CENPC: variants seen among roughly 807,000 people sequenced by gnomAD.
The protein encoded by CENPC is centromere protein C, also known as CENP-C 1.
A neutral mutation model predicts 112.1 loss-of-function variants in CENPC; 63 were observed. The observed-to-expected ratio is 0.56, with a 90% CI of 0.46 to 0.69. CENPC has a LOEUF of 0.69. Ranked by LOEUF, CENPC falls within the 30% of genes least tolerant of loss-of-function variation. The probability of loss-of-function intolerance (pLI) is 0.00; values close to 1 mark genes in which losing one functional copy is unlikely to be tolerated. For synonymous variants in CENPC, 333 were observed against 367.6 expected, an observed-to-expected ratio of 0.91 and a Z score of 1.08; for missense variants, 1,000 against 1,103.8, an observed-to-expected ratio of 0.91 and a Z score of 1.33.
At chr4:67,543,333 T>G (rs1250398709) in intron 2 of CENPC, among the ~76,000 whole-genome samples, 1 of 152,192 alleles carries the variant, frequency 6.6e-6, no homozygotes, top group Non-Finnish European at 1.5e-5. Context: ...TGGAATATAC[T>G]TTATCTTAGT....
chr4:67,502,043 G>C (rs1725604371), intron 12 of CENPC, among the ~76,000 whole-genome samples: 2 of 152,056 alleles, frequency 1.3e-5, no homozygotes, highest in African/African-American at 4.8e-5. Context: ...ACAAAGGAAA[G>C]AAGAAATAAG....
rs772537688 is a variant in CENPC at position 67,468,934 on chromosome 4, TACA to T, written c.*3668_*3670del. 7 of 152,198 alleles carry T rather than the reference TACA, an allele frequency of 4.6e-5. No homozygotes were observed. Among genetic ancestry groups the T allele is most frequent in the Non-Finnish European group, 8.8e-5 (6 of 68,024 alleles). 9.4% of individuals were successfully genotyped at this position (152,198 alleles called of 1,614,324 possible). A position where few individuals can be genotyped will look rare whatever the true frequency, so the allele number is the denominator to read the frequency against. On this transcript the variant is annotated 3_prime_UTR_variant, in exon 19 of 19. Coordinates refer to ENST00000273853, the MANE Select transcript of CENPC (RefSeq NM_001812.4). Reference sequence around the variant, plus strand: ...GTCATACACTATATTATTCCATTGCTACAACAATATATAAGTGACAATATTACA... The same window carrying T: ...GTCATACACTATATTATTCCATTGCTACAATATATAAGTGACAATATTACA...
intron 16 of CENPC, among the ~76,000 whole-genome samples, chr4:67,490,630 C>T (rs1250860890): frequency 3.3e-5 from 5 of 151,452 alleles, no homozygotes; most frequent in Non-Finnish European, 7.4e-5. Context: ...TCCTGCTTGA[C>T]TAATAATTTT....
chr4:67,481,691 G>A (rs1001306082), intron 17 of CENPC, among the ~76,000 whole-genome samples: 2 of 152,170 alleles, frequency 1.3e-5, no homozygotes, highest in Non-Finnish European at 2.9e-5. Flanking sequence ...GGGATAACCA[G>A]TAAGGCACAA....
intron 12 of CENPC, 136 bp from the exon 13 acceptor site, chr4:67,495,348 GC>G: frequency 1.3e-6 from 1 of 771,596 alleles, no homozygotes; most frequent in Non-Finnish European, 2.0e-6. Context: ...TACTCCTTTT[GC>G]TTTTCATTGC....
intron 2 of CENPC, among the ~76,000 whole-genome samples, chr4:67,541,432 T>C (rs866435183): frequency 5.9e-5 from 9 of 152,172 alleles, no homozygotes; most frequent in Non-Finnish European, 8.8e-5. Context: ...CTATAAATTC[T>C]CAAATGCATT....
intron 5 of CENPC, 89 bp from the exon 6 acceptor site, chr4:67,519,591 T>C (rs1378927490): frequency 7.9e-6 from 7 of 885,138 alleles, no homozygotes; most frequent in Non-Finnish European, 1.1e-5. Context: ...AATAATTTAA[T>C]CAGAAATAGT....
chr4:67,521,324 C>T (rs910998547), intron 5 of CENPC, among the ~76,000 whole-genome samples: 16 of 150,996 alleles, frequency 1.1e-4, no homozygotes, highest in African/African-American at 3.6e-4. Flanking sequence ...TAATCAATTA[C>T]AAATCCTCTT....
chr4:67,501,072 C>T (rs1308613760), intron 12 of CENPC, among the ~76,000 whole-genome samples: 1 of 152,140 alleles, frequency 6.6e-6, no homozygotes, highest in Non-Finnish European at 1.5e-5. Flanking sequence ...CTTTGGGAGA[C>T]TGAGGTGTGC....
chr4:67,523,551 A>G (rs1399777903), intron 5 of CENPC, among the ~76,000 whole-genome samples: 1 of 152,184 alleles, frequency 6.6e-6, no homozygotes, highest in Non-Finnish European at 1.5e-5. Context: ...AGAATAATCC[A>G]CGTGGTAATG....
rs754472986 is a variant in CENPC, at chr4:67,518,137, C to T, written c.830+19G>A. 2 of 1,331,468 alleles carry T rather than the reference C, an allele frequency of 1.5e-6. No homozygotes were observed. Among genetic ancestry groups the T allele is most frequent in the Non-Finnish European group, 2.1e-6 (2 of 969,914 alleles). The allele number at this position is 1,331,468 out of a possible 1,614,324, so 82.5% of individuals were successfully genotyped here. A position where few individuals can be genotyped will look rare whatever the true frequency, so the allele number is the denominator to read the frequency against. On this transcript the variant is annotated intron_variant, in intron 7 of 18. Transcript: ENST00000273853. Reference sequence around the variant, plus strand: ...TATAAAAGAAAAATGTCTCAAAGGGCAGTTTCTTAATAACTCACCTGGATT... The same window carrying T: ...TATAAAAGAAAAATGTCTCAAAGGGTAGTTTCTTAATAACTCACCTGGATT...
intron 17 of CENPC, among the ~76,000 whole-genome samples, chr4:67,484,467 G>A (rs951348644): frequency 1.3e-5 from 2 of 152,150 alleles, no homozygotes; most frequent in Admixed American, 6.5e-5. Flanking sequence ...TAAGCAGCAC[G>A]CCAGTGAGTG....
At position 67,491,445 on chromosome 4, in the gene CENPC, TCATATA is replaced by T. The variant is rs1303473058; in HGVS notation, c.2515+729_2515+734del. Among the ~76,000 whole-genome samples, 417 of 64,060 alleles carry T rather than the reference TCATATA, an allele frequency of 6.5e-3. 6 individuals carry two copies. The highest frequency in any genetic ancestry group is 0.022 in the South Asian group (35 of 1,608). The allele number at this position is 64,060 out of a possible 152,430, so 42.0% of individuals were successfully genotyped here. On this transcript the variant is annotated intron_variant, in intron 16 of 18. Transcript: ENST00000273853. ...ACAGTTGTTAATATATTTAAATATTTCATATATATATATATATATATATATATATAT... is the reference window on the plus strand; with the variant it reads ...ACAGTTGTTAATATATTTAAATATTTTATATATATATATATATATATATAT...
intron 14 of CENPC, chr4:67,493,607 C>T: frequency 3.6e-6 from 1 of 277,778 alleles, no homozygotes; most frequent in Non-Finnish European, 6.8e-6. Context: ...AACTACTTTA[C>T]CTTTACCAGT....
At chr4:67,496,546 A>T (rs1725436591) in intron 12 of CENPC, among the ~76,000 whole-genome samples, 2 of 152,196 alleles carry the variant, frequency 1.3e-5, no homozygotes, top group Non-Finnish European at 2.9e-5. Flanking sequence ...TTCTCAAATG[A>T]GTCCATGAAA....
At chr4:67,522,012 T>C (rs1039608555) in intron 5 of CENPC, among the ~76,000 whole-genome samples, 2 of 152,184 alleles carry the variant, frequency 1.3e-5, no homozygotes, top group African/African-American at 2.4e-5. Flanking sequence ...ATGGTGGTGA[T>C]AGCCTCACAA....
chr4:67,476,547 C>T (rs1397259279), intron 17 of CENPC, among the ~76,000 whole-genome samples: 2 of 152,176 alleles, frequency 1.3e-5, no homozygotes, highest in Non-Finnish European at 2.9e-5. Context: ...CCATTTCTGA[C>T]TTTATCTCAT....
At chr4:67,512,078 T>C in intron 9 of CENPC, 1 of 191,332 alleles carries the variant, frequency 5.2e-6, no homozygotes, top group Non-Finnish European at 1.0e-5. Flanking sequence ...CCTCATATTA[T>C]CAATCTTTGT....
intron 17 of CENPC, among the ~76,000 whole-genome samples, chr4:67,484,820 G>T (rs563059241): frequency 6.6e-6 from 1 of 152,098 alleles, no homozygotes; most frequent in Non-Finnish European, 1.5e-5. Flanking sequence ...CGCACTGGGC[G>T]CAGTGGCTCA....
Sources: gnomAD v4.1 joint callset for allele counts (sites outside exome capture counted in the v4.1 genomes callset) on GRCh38, gnomAD v4.1.1 for gene constraint, MANE v1.5 for transcripts, NCBI Gene and HGNC (gene_info 2026-07-23, HGNC 2026-07-21) for gene names.